The following CGNL1 variants were observed in gnomAD, a reference collection of about 807,000 sequenced individuals.
The protein encoded by CGNL1 is cingulin-like protein 1.
In CGNL1, 132 loss-of-function variants were observed where a neutral mutation model predicts 141.2. The ratio of observed to expected loss-of-function variants is 0.93; its 90% CI spans 0.81 to 1.08. The LOEUF is 1.08. Among genes scored for constraint, CGNL1 ranks in the 50% least tolerant of loss-of-function variants. The pLI, the probability that CGNL1 is intolerant of heterozygous loss-of-function variation, is 0.00. For missense variants in CGNL1, 1,870 were observed against 1,588.6 expected (o/e 1.18, Z -3.01); for synonymous variants, 690 against 622.1 (o/e 1.11, Z -1.63).
At chr15:57,512,478 A>T (rs1356731497) in intron 8 of CGNL1, among the ~76,000 whole-genome samples, 1 of 152,214 alleles carries the variant, frequency 6.6e-6, no homozygotes. Context: ...ATGTGAAGAC[A>T]TAGAGAAAAA....
rs761573937 is a variant in CGNL1, at chr15:57,416,214, TTA to T, written c.-15-21770_-15-21769del. Among the ~76,000 whole-genome samples, 144 of 142,112 alleles carry T rather than the reference TTA, an allele frequency of 1.0e-3. 1 individual carries two copies. The highest frequency in any genetic ancestry group is 7.6e-3 in the South Asian group (32 of 4,222). 93.2% of individuals were successfully genotyped at this position (142,112 alleles called of 152,430 possible). On this transcript the variant is annotated intron_variant, in intron 1 of 18. Coordinates refer to ENST00000281282, the MANE Select transcript of CGNL1 (RefSeq NM_032866.5). ...TGCTCAGTGTTTTTTTTTTTTTTTT[TTA>T]AATTGTAAGGATGAGTGTAACAACT...
chr15:57,448,369 C>A (rs1252739231), intron 4 of CGNL1, among the ~76,000 whole-genome samples: 1 of 151,944 alleles, frequency 6.6e-6, no homozygotes, highest in Non-Finnish European at 1.5e-5. Context: ...AAAAAAAGGG[C>A]CAGGCATGGT....
intron 1 of CGNL1, among the ~76,000 whole-genome samples, chr15:57,420,597 C>T (rs2062903666): frequency 6.6e-6 from 1 of 152,208 alleles, no homozygotes; most frequent in Non-Finnish European, 1.5e-5. Flanking sequence ...TGGGAAACAA[C>T]TTTATCAACT....
chr15:57,431,536 T>C (rs879272569), intron 1 of CGNL1, among the ~76,000 whole-genome samples: 22 of 152,208 alleles, frequency 1.4e-4, no homozygotes, highest in Non-Finnish European at 3.1e-4. Context: ...GTTGAGGTTC[T>C]AGTGTGAATA....
At chr15:57,533,170 A>T (rs1172515773) in intron 14 of CGNL1, among the ~76,000 whole-genome samples, 2 of 152,072 alleles carry the variant, frequency 1.3e-5, no homozygotes, top group Non-Finnish European at 2.9e-5. Context: ...GAAAGTTGCA[A>T]CCCAGCTGTG....
At chr15:57,429,830 CA>C (rs1160270302) in intron 1 of CGNL1, among the ~76,000 whole-genome samples, 2 of 152,144 alleles carry the variant, frequency 1.3e-5, no homozygotes, top group Admixed American at 1.3e-4. Flanking sequence ...TTTTTTGAGA[CA>C]GGGTCTCTCA....
Position 57,437,857 on chromosome 15 carries a change from C to A in CGNL1, c.-15-128C>A, listed in dbSNP as rs1373218132. On this transcript the variant is annotated intron_variant, in intron 1 of 18. Transcript: ENST00000281282. Reference sequence around the variant, plus strand: ...CCTTCAGCACTTGGTTCTGAGGTGTCTTTGCTGTTTAAAATGTCTTGTTTT... The same window carrying A: ...CCTTCAGCACTTGGTTCTGAGGTGTATTTGCTGTTTAAAATGTCTTGTTTT... 46 of 944,470 alleles carry A rather than the reference C, an allele frequency of 4.9e-5. No homozygotes were observed. In the Admixed American group the frequency reaches 1.0e-3, roughly 21 times the overall value. 58.5% of individuals were successfully genotyped at this position (944,470 alleles called of 1,614,324 possible).
intron 8 of CGNL1, among the ~76,000 whole-genome samples, chr15:57,464,175 A>AG (rs1485079688): frequency 6.0e-5 from 9 of 151,148 alleles, no homozygotes; most frequent in African/African-American, 2.0e-4. Flanking sequence ...GGATGATAGG[A>AG]GGGTATGGTG....
chr15:57,406,735 C>G (rs529662546), intron 1 of CGNL1, among the ~76,000 whole-genome samples: 22 of 152,314 alleles, frequency 1.4e-4, no homozygotes, highest in African/African-American at 5.1e-4. Flanking sequence ...ATCAAACTTA[C>G]ATAAGTACTG....
At chr15:57,465,048 G>A (rs911875067) in intron 8 of CGNL1, among the ~76,000 whole-genome samples, 6 of 152,000 alleles carry the variant, frequency 3.9e-5, no homozygotes, top group East Asian at 1.9e-4. Context: ...CACTGTGCGC[G>A]GCTTCCTTGC....
rs761762657 is a variant in CGNL1, at chr15:57,531,682, C to T, written c.3202-8C>T. 3 of 1,598,746 alleles carry T rather than the reference C, an allele frequency of 1.9e-6. No individual in the cohort carries two copies. On this transcript the variant is annotated splice_region_variant and splice_polypyrimidine_tract_variant and intron_variant, in intron 13 of 18. Transcript: ENST00000281282. ...TTAAGTCAACTGTGTTTGTGATTTC[C>T]TTCTTAGGACAAGGTGTCTCAACTG...
chr15:57,508,215 A>T (rs1274078279), intron 8 of CGNL1, among the ~76,000 whole-genome samples: 4 of 111,660 alleles, frequency 3.6e-5, no homozygotes, highest in Non-Finnish European at 7.0e-5. Flanking sequence ...ACACACAAAC[A>T]AAAAGAGCTT....
chr15:57,492,451 T>C (rs757529093), intron 8 of CGNL1, among the ~76,000 whole-genome samples: 8 of 152,184 alleles, frequency 5.3e-5, no homozygotes, highest in Non-Finnish European at 1.2e-4. Context: ...TGTTTATACA[T>C]TGACATTTTT....
intron 8 of CGNL1, among the ~76,000 whole-genome samples, chr15:57,465,023 A>G (rs113785663): frequency 1.2e-3 from 176 of 152,170 alleles, no homozygotes; most frequent in African/African-American, 4.1e-3. Context: ...AAGTGCTGGG[A>G]TTACAGATGT....
intron 9 of CGNL1, 41 bp from the exon 10 acceptor site, chr15:57,518,352 G>A: frequency 7.0e-7 from 1 of 1,423,810 alleles, no homozygotes; most frequent in Non-Finnish European, 9.9e-7. Context: ...CATAGGTACA[G>A]CACACATCTA....
At chr15:57,443,576 A>G (rs550493995) in intron 4 of CGNL1, among the ~76,000 whole-genome samples, 23 of 152,308 alleles carry the variant, frequency 1.5e-4, no homozygotes, top group African/African-American at 4.1e-4. Context: ...TTATTCCCCC[A>G]GCACTCAGCT....
intron 1 of CGNL1, among the ~76,000 whole-genome samples, chr15:57,413,221 T>TCCTC (rs1555431835): frequency 1.2e-4 from 16 of 137,124 alleles, no homozygotes; most frequent in South Asian, 7.8e-4. Flanking sequence ...CTTCCTCTCT[T>TCCTC]CCTCCCTCCC....
At chr15:57,521,113 G>A (rs2031223746) in intron 10 of CGNL1, among the ~76,000 whole-genome samples, 1 of 152,136 alleles carries the variant, frequency 6.6e-6, no homozygotes, top group African/African-American at 2.4e-5. Context: ...TGTAGCTACA[G>A]AGCGTTTCAC....
intron 1 of CGNL1, among the ~76,000 whole-genome samples, chr15:57,395,580 G>A (rs552038626): frequency 6.6e-6 from 1 of 152,302 alleles, no homozygotes; most frequent in East Asian, 1.9e-4. Flanking sequence ...AGTGATTAAG[G>A]GCTTAAAGCT....
Sources: allele counts gnomAD v4.1 joint callset (sites outside exome capture counted in the v4.1 genomes callset), GRCh38; gene constraint gnomAD v4.1.1; transcripts MANE v1.5; gene names NCBI Gene and HGNC (gene_info 2026-07-23, HGNC 2026-07-21).